The following SNX25 variants were observed in gnomAD, a reference collection of about 807,000 sequenced individuals.
SNX25 encodes the protein sorting nexin 25.
In SNX25, 62 loss-of-function variants were observed where a neutral mutation model predicts 113.7. The observed-to-expected ratio is 0.55, with a 90% CI of 0.44 to 0.67. SNX25 has a LOEUF of 0.67. SNX25 is among the 30% of genes least tolerant of loss of function. The probability of loss-of-function intolerance (pLI) is 0.00; values close to 1 mark genes in which losing one functional copy is unlikely to be tolerated. For missense variants in SNX25, 1,014 were observed against 1,161.0 expected (o/e 0.87, Z 1.84); for synonymous variants, 421 against 436.2 (o/e 0.97, Z 0.43).
At chr4:185,246,473 C>T (rs1227947993) in intron 1 of SNX25, among the ~76,000 whole-genome samples, 1 of 152,052 alleles carries the variant, frequency 6.6e-6, no homozygotes, top group African/African-American at 2.4e-5. Flanking sequence ...ATTTGCATTC[C>T]TCTAATAAAA....
intron 13 of SNX25, among the ~76,000 whole-genome samples, chr4:185,349,523 CCCA>C (rs2095305183): frequency 6.6e-6 from 1 of 152,182 alleles, no homozygotes; most frequent in African/African-American, 2.4e-5. Flanking sequence ...AATTTACAAT[CCCA>C]CCAACAGTGT....
chr4:185,291,532 A>G (rs1182788245), intron 6 of SNX25, among the ~76,000 whole-genome samples: 2 of 152,216 alleles, frequency 1.3e-5, no homozygotes, highest in African/African-American at 4.8e-5. Context: ...GGCACAAACA[A>G]CAAAAATGTA....
At chr4:185,321,556 G>A (rs1392525284) in intron 8 of SNX25, among the ~76,000 whole-genome samples, 1 of 152,014 alleles carries the variant, frequency 6.6e-6, no homozygotes, top group Middle Eastern at 3.2e-3. Flanking sequence ...AGCCACCGCA[G>A]CCAGCTTTTA....
Position 185,332,556 on chromosome 4 carries a change from A to C in SNX25, c.1750-39A>C, listed in dbSNP as rs3822301. Reference sequence around the variant, plus strand: ...ACCGATAATAATTACTGAATTTTCTATCATTATAAGATATGGTGGTATGTG... The same window carrying C: ...ACCGATAATAATTACTGAATTTTCTCTCATTATAAGATATGGTGGTATGTG... On this transcript the variant is annotated intron_variant, in intron 9 of 18. Transcript: ENST00000652585. 40 of 1,514,800 alleles carry C rather than the reference A, an allele frequency of 2.6e-5. No homozygotes were observed. In the East Asian group the frequency reaches 8.9e-4, roughly 34 times the overall value. The allele number at this position is 1,514,800 out of a possible 1,614,324, so 93.8% of individuals were successfully genotyped here. A position where few individuals can be genotyped will look rare whatever the true frequency, so the allele number is the denominator to read the frequency against.
chr4:185,219,218 A>G (rs1739391768), intron 1 of SNX25, among the ~76,000 whole-genome samples: 5 of 152,210 alleles, frequency 3.3e-5, no homozygotes. Context: ...TATGCTTTAT[A>G]GAAGCTGGCA....
chr4:185,376,788 T>C, the SNX25 span: 19 of 664,714 alleles, frequency 2.9e-5, no homozygotes, highest in African/African-American at 5.4e-5. Flanking sequence ...ACAGCCATAG[T>C]CGATGTAATT....
rs181386269 is a variant in SNX25 at position 185,229,485 on chromosome 4, A to G, written c.430-17809A>G. On this transcript the variant is annotated intron_variant, in intron 1 of 18. Transcript: ENST00000652585. ...CTCATTGACTGAAGGAATTGCCCCC[A>G]GAAGTTCTCTGGTAAAATGTTAAAG... Among the ~76,000 whole-genome samples the G allele has an allele frequency of 2.0e-5, 3 of 152,320 alleles. No individual in the cohort carries two copies. In the East Asian group the frequency reaches 5.8e-4, roughly 29 times the overall value.
At chr4:185,320,536 A>G (rs2095111865) in intron 7 of SNX25, among the ~76,000 whole-genome samples, 197 bp from the exon 8 acceptor site, 1 of 152,156 alleles carries the variant, frequency 6.6e-6, no homozygotes, top group Admixed American at 6.5e-5. Context: ...AAACCACCAC[A>G]GCACATATAT....
intron 2 of SNX25, among the ~76,000 whole-genome samples, chr4:185,254,698 A>T (rs1746155136): frequency 6.6e-6 from 1 of 152,166 alleles, no homozygotes; most frequent in Admixed American, 6.5e-5. Context: ...AACCTAACTA[A>T]AACTAAAGTT....
rs1297195214 is a variant in SNX25 at position 185,267,125 on chromosome 4, A to C, written c.1061A>C (p.Asn354Thr). ...YEDFIKLINS[N>T]SDVEFLKQLR... is the part of the protein sequence containing the mutation. ...GACTTCATCAAGCTCATTAACAGCA[A>C]CTCTGATGTGGAGTTCTTGAAGCAA... is the stretch of plus-strand genomic sequence containing the variant. Residue 354 changes from asparagine (N) to threonine (T), a missense_variant, in exon 5 of 19, where the codon AAC becomes ACC. Asn to Thr is a moderately conservative substitution (Grantham distance 65). Coordinates refer to ENST00000652585, the MANE Select transcript of SNX25 (RefSeq NM_001378034.2). 2 of 1,613,784 alleles carry C rather than the reference A, an allele frequency of 1.2e-6. No individual in the cohort carries two copies.
intron 5 of SNX25, among the ~76,000 whole-genome samples, chr4:185,269,142 T>TCCACTCAAGTCATCCTTA: frequency 6.6e-6 from 1 of 152,270 alleles, no homozygotes; most frequent in African/African-American, 2.4e-5. Context: ...ACAGGTTACA[T>TCCACTCAAGTCATCCTTA]CCACTCAAGT....
rs531426302 is a variant in SNX25 at position 185,239,870 on chromosome 4, A to T, written c.430-7424A>T. Among the ~76,000 whole-genome samples, 1,303 of 148,850 alleles carry T rather than the reference A, an allele frequency of 8.8e-3. 20 individuals carry two copies. Among genetic ancestry groups the T allele is most frequent in the African/African-American group, 0.031 (1,247 of 40,738 alleles). On this transcript the variant is annotated intron_variant, in intron 1 of 18. Coordinates refer to ENST00000652585, the MANE Select transcript of SNX25 (RefSeq NM_001378034.2). ...ATAGTGGAGGGAAGGTCAGCAGATA[A>T]GTGAACAAAGGTCTCTGGTTTTCCT...
intron 6 of SNX25, among the ~76,000 whole-genome samples, chr4:185,304,037 T>A (rs1448846775): frequency 6.6e-6 from 1 of 152,254 alleles, no homozygotes; most frequent in East Asian, 1.9e-4. Flanking sequence ...GCCAGCTTTG[T>A]GTTAAGAGGT....
intron 7 of SNX25, among the ~76,000 whole-genome samples, chr4:185,313,187 C>A (rs2095044585): frequency 6.6e-6 from 1 of 152,022 alleles, no homozygotes; most frequent in Admixed American, 6.6e-5. Flanking sequence ...TTACAAGAAA[C>A]TAAACATAAA....
chr4:185,376,789 C>G, the SNX25 span: 4 of 668,028 alleles, frequency 6.0e-6, no homozygotes, highest in South Asian at 7.4e-5. Flanking sequence ...CAGCCATAGT[C>G]GATGTAATTG....
chr4:185,292,333 C>CTA (rs1291430404), intron 6 of SNX25, among the ~76,000 whole-genome samples: 2 of 152,114 alleles, frequency 1.3e-5, no homozygotes, highest in Non-Finnish European at 2.9e-5. Flanking sequence ...GTGACTCTTC[C>CTA]TATAATCCCA....
intron 6 of SNX25, among the ~76,000 whole-genome samples, chr4:185,300,840 G>GACACACAC (rs58762122): frequency 0.025 from 3,517 of 140,740 alleles, 97 homozygotes; most frequent in African/African-American, 0.057. Context: ...TGATTATTAT[G>GACACACAC]ACACACACAC....
rs1561061521 is a variant in SNX25 at position 185,363,618 on chromosome 4, G to T, written c.*153G>T. 3 of 641,506 alleles carry T rather than the reference G, an allele frequency of 4.7e-6. No individual in the cohort carries two copies. The East Asian group carries it at 8.4e-5, about 18-fold the overall frequency. The allele number at this position is 641,506 out of a possible 1,614,324, so 39.7% of individuals were successfully genotyped here. ...ATGTGAAATTAGTAGAATCAGGGAGGACGGGACTTATGCTGTGGTAGGCAA... is the reference window on the plus strand; with the variant it reads ...ATGTGAAATTAGTAGAATCAGGGAGTACGGGACTTATGCTGTGGTAGGCAA... On this transcript the variant is annotated 3_prime_UTR_variant, in exon 19 of 19. Transcript: ENST00000652585. This position sits in a 1 kb window ranked among gnomAD's most constrained non-coding sequence, Gnocchi z 4.2.
intron 8 of SNX25, among the ~76,000 whole-genome samples, chr4:185,321,366 G>A (rs903450319): frequency 2.6e-5 from 4 of 151,130 alleles, no homozygotes; most frequent in Admixed American, 6.6e-5. Flanking sequence ...AGGTTCAAGC[G>A]GTTCTCCTCC....
Sources: gnomAD v4.1 joint callset for allele counts (sites outside exome capture counted in the v4.1 genomes callset) on GRCh38, gnomAD v4.1.1 for gene constraint, Gnocchi (gnomAD v3.1) non-coding constraint, MANE v1.5 for transcripts, NCBI Gene and HGNC (gene_info 2026-07-23, HGNC 2026-07-21) for gene names.